The following DPP6 variants were observed in gnomAD, a reference collection of about 807,000 sequenced individuals.
DPP6 encodes the protein dipeptidyl peptidase like 6, also known as A-type potassium channel modulatory protein DPP6.
Under a neutral mutation model 122.6 loss-of-function variants are expected in DPP6, and 69 were observed. The observed-to-expected ratio is 0.56, with a 90% CI of 0.46 to 0.69. The LOEUF is 0.69. DPP6 is among the 30% of genes least tolerant of loss of function. The pLI is 0.00. For missense variants in DPP6, 928 were observed against 1,116.9 expected (o/e 0.83, Z 2.41); for synonymous variants, 418 against 433.1 (o/e 0.97, Z 0.43).
At chr7:153,808,990 C>T in the DPP6 span, among the ~76,000 whole-genome samples, 5 of 152,150 alleles carry the variant, frequency 3.3e-5, no homozygotes, top group African/African-American at 9.7e-5. Context: ...TCCATAATGA[C>T]TATAACAATT....
At chr7:154,000,128 A>G (rs529826863) in intron 1 of DPP6, among the ~76,000 whole-genome samples, 2 of 152,206 alleles carry the variant, frequency 1.3e-5, no homozygotes, top group Admixed American at 6.5e-5. Flanking sequence ...GGGCATGATA[A>G]TATTTTCTTT....
chr7:154,238,096 A>T (rs1801337158), intron 1 of DPP6, among the ~76,000 whole-genome samples: 1 of 152,168 alleles, frequency 6.6e-6, no homozygotes. Context: ...CACCAAAGAG[A>T]TGTGTTATTT....
chr7:154,483,774 A>G lies in DPP6; in HGVS notation c.457+8737A>G, dbSNP rs943035364. ...CAGTGGCACAATCTTGGCTCACTGC[A>G]ACCTCCACCTCCCGGGTTCAAGCGA... is the stretch of plus-strand genomic sequence containing the variant. On this transcript the variant is annotated intron_variant, in intron 3 of 25. Transcript: ENST00000377770. The surrounding 1 kb of genome is among the most constrained non-coding windows in gnomAD (Gnocchi z 8.1). Among the ~76,000 whole-genome samples the G allele has an allele frequency of 6.6e-6, 1 of 152,188 alleles. No individual in the cohort carries two copies. Among genetic ancestry groups the G allele is most frequent in the African/African-American group, 2.4e-5 (1 of 41,438 alleles).
At chr7:154,062,941 T>C (rs1802222197) in intron 1 of DPP6, among the ~76,000 whole-genome samples, 1 of 133,182 alleles carries the variant, frequency 7.5e-6, no homozygotes, top group Admixed American at 7.7e-5. Flanking sequence ...GTTGTCCAGG[T>C]AGAAATTTCA....
At chr7:154,605,924 A>AT (rs1242447594) in intron 5 of DPP6, among the ~76,000 whole-genome samples, 1 of 119,468 alleles carries the variant, frequency 8.4e-6, no homozygotes, top group African/African-American at 2.6e-5. Context: ...TTGCATTATA[A>AT]TTTTTTACTC....
intron 15 of DPP6, 84 bp downstream of exon 15, chr7:154,805,048 C>T (rs1006282626): frequency 2.5e-5 from 37 of 1,507,532 alleles, no homozygotes; most frequent in African/African-American, 1.1e-4. Flanking sequence ...TTCAGCAGTT[C>T]GGAAAGGGCG....
intron 5 of DPP6, among the ~76,000 whole-genome samples, chr7:154,592,768 A>G (rs1193937787): frequency 6.6e-6 from 1 of 152,096 alleles, no homozygotes; most frequent in Non-Finnish European, 1.5e-5. Context: ...GAGCAAACGG[A>G]GTGATGTTTG....
intron 7 of DPP6, among the ~76,000 whole-genome samples, chr7:154,701,840 G>A (rs893237217): frequency 1.3e-5 from 2 of 152,352 alleles, no homozygotes; most frequent in South Asian, 2.1e-4. Context: ...TGGCACATGA[G>A]ATGTCACTCA....
In DPP6 at chr7:154,889,362, G is replaced by T. The variant is rs1170072704; in HGVS notation, c.2377+18G>T. On this transcript the variant is annotated intron_variant, in intron 24 of 25. Transcript: ENST00000377770. ...TGCCGATGGTAAGGACTGAAAACAT[G>T]AATTCACTGTGTATCTAGTAAGAGC... 1.2e-6 allele frequency: 2 copies of T among 1,611,348 alleles called. No homozygotes were observed. The highest frequency in any genetic ancestry group is 1.7e-6 in the Non-Finnish European group (2 of 1,179,284).
At chr7:154,055,676 G>C (rs374582809) in intron 1 of DPP6, 5 of 152,310 alleles carry the variant, frequency 3.3e-5, no homozygotes, top group South Asian at 4.1e-4. Flanking sequence ...CAAGCAGCTG[G>C]GAGCGCCGCT....
chr7:154,549,006 TTTGGGAGGGGC>T (rs1306437815), intron 4 of DPP6, among the ~76,000 whole-genome samples: 1 of 152,048 alleles, frequency 6.6e-6, no homozygotes, highest in East Asian at 1.9e-4. Flanking sequence ...AGTAGGTTGT[TTTGGGAGGGGC>T]TTGAAAAGTT....
At chr7:154,605,109 T>C (rs1167251516) in intron 5 of DPP6, among the ~76,000 whole-genome samples, 1 of 119,792 alleles carries the variant, frequency 8.3e-6, no homozygotes, top group Non-Finnish European at 1.9e-5. Flanking sequence ...GCACTGTGTT[T>C]TCAAAGAATT....
chr7:154,727,482 C>T lies in DPP6; in HGVS notation c.763-285C>T, dbSNP rs934485976. On this transcript the variant is annotated intron_variant, in intron 7 of 25. Coordinates refer to ENST00000377770, the MANE Select transcript of DPP6 (RefSeq NM_130797.4). ...TTTGGACGGGGACACAAATCCAAAC[C>T]ATATCAGATTTTAAGTAGCTAGAAG... Among the ~76,000 whole-genome samples, 7 of 152,272 alleles carry T rather than the reference C, an allele frequency of 4.6e-5. 2 individuals are homozygous for T. The highest frequency in any genetic ancestry group is 2.6e-4 in the Admixed American group (4 of 15,304).
chr7:154,392,170 G>A (rs1480899965), intron 1 of DPP6, among the ~76,000 whole-genome samples: 1 of 152,094 alleles, frequency 6.6e-6, no homozygotes, highest in East Asian at 1.9e-4. Flanking sequence ...CTACTCGGAA[G>A]GCTGAGACAG....
chr7:154,222,037 A>G (rs558074282), intron 1 of DPP6, among the ~76,000 whole-genome samples: 1 of 152,238 alleles, frequency 6.6e-6, no homozygotes, highest in South Asian at 2.1e-4. Flanking sequence ...CCTCTGTGAC[A>G]TGGCACATGA....
At chr7:154,293,448 G>A (rs961320142) in intron 1 of DPP6, among the ~76,000 whole-genome samples, 1 of 152,156 alleles carries the variant, frequency 6.6e-6, no homozygotes, top group Admixed American at 6.5e-5. Context: ...TGTGTGGGCT[G>A]AAGGATGAGA....
chr7:154,592,433 G>A (rs1046307623), intron 5 of DPP6, among the ~76,000 whole-genome samples: 11 of 152,230 alleles, frequency 7.2e-5, no homozygotes, highest in African/African-American at 1.4e-4. Context: ...TGCACCAGGC[G>A]CTCTCGCAGG....
intron 5 of DPP6, among the ~76,000 whole-genome samples, chr7:154,637,042 G>C (rs1305927461): frequency 6.6e-6 from 1 of 152,166 alleles, no homozygotes; most frequent in Non-Finnish European, 1.5e-5. Flanking sequence ...TCTCTACCCA[G>C]GAGGCTGGCG....
At chr7:154,720,278 A>G (rs972418437) in intron 7 of DPP6, among the ~76,000 whole-genome samples, 1 of 152,204 alleles carries the variant, frequency 6.6e-6, no homozygotes, top group Non-Finnish European at 1.5e-5. Context: ...GCAGGGCGCC[A>G]GGGCAGGGCA....
Sources: gnomAD v4.1 joint callset for allele counts (sites outside exome capture counted in the v4.1 genomes callset) on GRCh38, gnomAD v4.1.1 for gene constraint, Gnocchi (gnomAD v3.1) non-coding constraint, MANE v1.5 for transcripts, NCBI Gene and HGNC (gene_info 2026-07-23, HGNC 2026-07-21) for gene names.